Variants in VTI1A observed in about 807,000 individuals in gnomAD.
VTI1A encodes the protein vesicle transport through interaction with t-SNAREs 1A, also known as vesicle transport through interaction with t-SNAREs homolog 1A.
A neutral mutation model predicts 34.9 loss-of-function variants in VTI1A; 22 were observed. The ratio of observed to expected loss-of-function variants is 0.63; its 90% CI spans 0.45 to 0.90. The LOEUF (loss-of-function observed/expected upper bound fraction) is 0.90. VTI1A is among the 40% of genes least tolerant of loss of function. The pLI is 0.00. For synonymous variants in VTI1A, 87 were observed against 97.3 expected (o/e 0.89, Z 0.62); for missense variants, 268 against 275.6 (o/e 0.97, Z 0.20).
At chr10:112,518,037 C>G (rs1849851972) in intron 3 of VTI1A, among the ~76,000 whole-genome samples, 1 of 151,950 alleles carries the variant, frequency 6.6e-6, no homozygotes, top group African/African-American at 2.4e-5. Context: ...TTTTATAAAT[C>G]TTAAACAATC....
At chr10:112,811,712 A>AAAAGAT (rs67154330) in intron 7 of VTI1A, among the ~76,000 whole-genome samples, 3,799 of 83,826 alleles carry the variant, frequency 0.045, 1,156 homozygotes, top group African/African-American at 0.084. Flanking sequence ...AAAAAAAAAA[A>AAAAGAT]GAGTGCAGTC....
chr10:112,699,945 C>T (rs1180148180), intron 7 of VTI1A, among the ~76,000 whole-genome samples: 1 of 151,552 alleles, frequency 6.6e-6, no homozygotes, highest in East Asian at 1.9e-4. Context: ...ATGGTGAAAT[C>T]CTGTCTCTAT....
chr10:112,576,630 C>A (rs921952537), intron 5 of VTI1A, among the ~76,000 whole-genome samples: 1 of 152,174 alleles, frequency 6.6e-6, no homozygotes, highest in Non-Finnish European at 1.5e-5. Flanking sequence ...GGTACTACCT[C>A]CCATCATCTA....
chr10:112,791,004 A>G (rs987608539), intron 7 of VTI1A, among the ~76,000 whole-genome samples: 21 of 152,244 alleles, frequency 1.4e-4, no homozygotes, highest in African/African-American at 4.6e-4. Flanking sequence ...AGGTTCTCCA[A>G]TATGGCAATG....
chr10:112,501,246 G>A (rs1050705397), intron 3 of VTI1A, among the ~76,000 whole-genome samples: 1 of 151,982 alleles, frequency 6.6e-6, no homozygotes, highest in Non-Finnish European at 1.5e-5. Flanking sequence ...TTTTTGGTTT[G>A]AGTACAAGAT....
At chr10:112,487,776 A>G (rs549426248) in intron 3 of VTI1A, among the ~76,000 whole-genome samples, 4 of 152,314 alleles carry the variant, frequency 2.6e-5, no homozygotes, top group African/African-American at 9.6e-5. Context: ...CTTTTATAAT[A>G]TATTTACCTG....
intron 7 of VTI1A, among the ~76,000 whole-genome samples, chr10:112,707,378 G>C (rs192806841): frequency 1.3e-5 from 2 of 152,152 alleles, no homozygotes; most frequent in Admixed American, 1.3e-4. Flanking sequence ...CTATCGCCCA[G>C]ACTGGAGTAC....
chr10:112,734,777 C>T (rs989066465), intron 7 of VTI1A, among the ~76,000 whole-genome samples: 5 of 151,808 alleles, frequency 3.3e-5, no homozygotes, highest in South Asian at 4.2e-4. Flanking sequence ...CTCAGCCTCC[C>T]GAATAGCTGG....
chr10:112,820,027 G>A (rs1273671399), downstream of VTI1A, among the ~76,000 whole-genome samples: 1 of 152,166 alleles, frequency 6.6e-6, no homozygotes, highest in East Asian at 1.9e-4. Flanking sequence ...ACCCATCCAA[G>A]GACAGATGGT....
chr10:112,478,379 AC>A (rs1848350061), intron 3 of VTI1A, among the ~76,000 whole-genome samples: 2 of 152,216 alleles, frequency 1.3e-5, no homozygotes, highest in Non-Finnish European at 2.9e-5. Flanking sequence ...ATGTTAAAAC[AC>A]TTGGAGAACT....
At position 112,462,964 on chromosome 10, in the gene VTI1A, G is replaced by A. The variant is rs1386644687; in HGVS notation, c.154-1583G>A. ...TATTGAGACGGAGTCTCGCTCCATC[G>A]CCCAGGCTGGAGTGCAGTGGCACGA... On this transcript the variant is annotated intron_variant, in intron 2 of 7. Coordinates refer to ENST00000393077, the MANE Select transcript of VTI1A (RefSeq NM_145206.4). 3.3e-5 allele frequency among the ~76,000 whole-genome samples: 5 copies of A among 151,482 alleles called. No homozygotes were observed. In the East Asian group the frequency reaches 7.8e-4, roughly 24 times the overall value.
intron 4 of VTI1A, among the ~76,000 whole-genome samples, chr10:112,531,316 T>A (rs1359313320): frequency 6.6e-6 from 1 of 152,146 alleles, no homozygotes; most frequent in African/African-American, 2.4e-5. Flanking sequence ...ATGTTGATTA[T>A]CATAACTCAA....
chr10:112,799,118 C>A (rs1400146602), intron 7 of VTI1A, among the ~76,000 whole-genome samples: 1 of 152,058 alleles, frequency 6.6e-6, no homozygotes, highest in Non-Finnish European at 1.5e-5. Flanking sequence ...TCAGTGTAGA[C>A]CCTAGTTATT....
chr10:112,500,750 C>G (rs1183519220), intron 3 of VTI1A, among the ~76,000 whole-genome samples: 1 of 152,208 alleles, frequency 6.6e-6, no homozygotes, highest in African/African-American at 2.4e-5. Flanking sequence ...CCTTTCCTTT[C>G]TACCTACCGT....
intron 7 of VTI1A, among the ~76,000 whole-genome samples, chr10:112,776,948 G>T (rs910662274): frequency 2.0e-5 from 3 of 152,092 alleles, no homozygotes; most frequent in African/African-American, 7.2e-5. Context: ...AAAGTGCTGG[G>T]ATTACAGATG....
the VTI1A span, among the ~76,000 whole-genome samples, chr10:112,830,849 A>ATATATATATATAT: frequency 5.1e-4 from 17 of 33,490 alleles, 2 homozygotes; most frequent in Non-Finnish European, 7.4e-4. Context: ...ATATATATAT[A>ATATATATATATAT]TTTTTTTTTT....
chr10:112,750,393 T>G (rs1266717966), intron 7 of VTI1A, among the ~76,000 whole-genome samples: 1 of 152,122 alleles, frequency 6.6e-6, no homozygotes, highest in African/African-American at 2.4e-5. Context: ...GTTTGCTTGT[T>G]TTTTGAGAGA....
intron 3 of VTI1A, among the ~76,000 whole-genome samples, chr10:112,525,114 G>A (rs1850173574): frequency 2.0e-5 from 3 of 152,136 alleles, no homozygotes; most frequent in Admixed American, 2.0e-4. Flanking sequence ...TGTGTGCGAT[G>A]GTCAAAAGTC....
rs532365236 is a variant in VTI1A, at chr10:112,814,954, C to G, written c.561-336C>G. ...TCGCCTTTTAAATTAGAAAGAGAAGCTCGCAAGGGGCCCTTGATCACTTAA... is the reference window on the plus strand; with the variant it reads ...TCGCCTTTTAAATTAGAAAGAGAAGGTCGCAAGGGGCCCTTGATCACTTAA... On this transcript the variant is annotated intron_variant, in intron 7 of 7. Coordinates refer to ENST00000393077, the MANE Select transcript of VTI1A (RefSeq NM_145206.4). 4.7e-3 allele frequency among the ~76,000 whole-genome samples: 717 copies of G among 152,034 alleles called. 4 individuals carry two copies. Among genetic ancestry groups the G allele is most frequent in the Non-Finnish European group, 6.9e-3 (470 of 68,018 alleles).
Sources: allele counts gnomAD v4.1 joint callset (sites outside exome capture counted in the v4.1 genomes callset), GRCh38; gene constraint gnomAD v4.1.1; transcripts MANE v1.5; gene names NCBI Gene and HGNC (gene_info 2026-07-23, HGNC 2026-07-21).